The following KCNT1 variants were observed in gnomAD, a reference collection of about 807,000 sequenced individuals.
KCNT1 encodes the protein potassium sodium-activated channel subfamily T member 1.
In KCNT1, 78 loss-of-function variants were observed where a neutral mutation model predicts 147.8. The observed-to-expected ratio is 0.53, with a 90% CI of 0.44 to 0.64. The LOEUF (loss-of-function observed/expected upper bound fraction) is 0.64, where lower values mean the gene tolerates loss of function less well. Ranked by LOEUF, KCNT1 falls within the 30% of genes least tolerant of loss-of-function variation. The pLI is 0.00. For synonymous variants in KCNT1, 867 were observed against 748.8 expected (o/e 1.16, Z -2.58); for missense variants, 1,419 against 1,750.3 (o/e 0.81, Z 3.38).
At chr9:135,769,197 G>A (rs1832565299) in intron 15 of KCNT1, among the ~76,000 whole-genome samples, 1 of 146,086 alleles carries the variant, frequency 6.8e-6, no homozygotes, top group Admixed American at 6.7e-5. Context: ...GCACACGTGG[G>A]TGACAGTGCA....
chr9:135,785,941 A>T (rs1834009724), intron 28 of KCNT1: 1 of 551,150 alleles, frequency 1.8e-6, no homozygotes, highest in Admixed American at 3.5e-5. Context: ...AGCCTGGCGA[A>T]TCCCTTGACC....
chr9:135,753,620 C>A, intron 4 of KCNT1: 1 of 476,446 alleles, frequency 2.1e-6, no homozygotes, highest in South Asian at 2.9e-5. Context: ...ACAGGCAGAA[C>A]CAGTGTGTTG....
At chr9:135,755,081 G>T (rs779161860) in intron 5 of KCNT1, 40 bp from the exon 6 acceptor site, 45 of 1,567,766 alleles carry the variant, frequency 2.9e-5, no homozygotes, top group Non-Finnish European at 3.8e-5. Context: ...GACACTAGTG[G>T]CTGTGGTGCC....
At chr9:135,765,443 G>A (rs1832199003) in intron 12 of KCNT1, among the ~76,000 whole-genome samples, 181 bp from the exon 13 acceptor site, 1 of 152,124 alleles carries the variant, frequency 6.6e-6, no homozygotes, top group African/African-American at 2.4e-5. Flanking sequence ...CAGTGAGGGT[G>A]GCAGCCCACA....
intron 2 of KCNT1, among the ~76,000 whole-genome samples, chr9:135,726,940 TCC>T (rs1219014901): frequency 0.017 from 59 of 3,528 alleles, no homozygotes; most frequent in South Asian, 0.048. Flanking sequence ...TCCCTCCCTC[TCC>T]CTCTCTTTCC....
intron 3 of KCNT1, chr9:135,750,723 C>A: frequency 1.7e-6 from 1 of 589,796 alleles, no homozygotes; most frequent in East Asian, 2.8e-5. Flanking sequence ...CAAGTTCAGG[C>A]ACCTGTAAGG....
rs1835066833 is a variant in KCNT1, at chr9:135,702,346, G to C, written c.88G>C (p.Asp30His). The C allele has an allele frequency of 6.2e-7, 1 of 1,611,524 alleles. No individual in the cohort carries two copies. The highest frequency in any genetic ancestry group is 8.5e-7 in the Non-Finnish European group (1 of 1,179,248). ...CTACACCAACCGGACCTTCGAGTTT[G>C]ACGACGGCCAATGCGCCCCCAGGTA... ...GGYTNRTFEF[D>H]DGQCAPRRPC... is the part of the protein sequence containing the mutation. Residue 30 changes from aspartate to histidine, a missense_variant, in exon 1 of 31, where the codon GAC becomes CAC. Coordinates refer to ENST00000371757, the MANE Select transcript of KCNT1 (RefSeq NM_020822.3).
At chr9:135,727,910 G>A (rs1836285007) in intron 2 of KCNT1, among the ~76,000 whole-genome samples, 1 of 152,252 alleles carries the variant, frequency 6.6e-6, no homozygotes, top group African/African-American at 2.4e-5. Flanking sequence ...AGGCGAGTGA[G>A]GGAAAGATGT....
intron 9 of KCNT1, 63 bp from the exon 10 acceptor site, chr9:135,758,351 A>G (rs749725755): frequency 8.0e-7 from 1 of 1,251,742 alleles, no homozygotes; most frequent in Non-Finnish European, 1.2e-6. Flanking sequence ...TCTAGTCTCT[A>G]TTCATTGGCT....
Position 135,753,930 on chromosome 9 carries a change from T to G in KCNT1, c.435-7T>G. 3 of 1,613,972 alleles carry G rather than the reference T, an allele frequency of 1.9e-6. No homozygotes were observed. Among genetic ancestry groups the G allele is most frequent in the Non-Finnish European group, 2.5e-6 (3 of 1,179,904 alleles). ...CAGGGCCGGGCCAGCGCTGTGTCTC[T>G]CCACAGCTGGGGCTGCCCAAAGCAG... is the stretch of plus-strand genomic sequence containing the variant. On this transcript the variant is annotated splice_region_variant and splice_polypyrimidine_tract_variant and intron_variant, in intron 4 of 30. Coordinates refer to ENST00000371757, the MANE Select transcript of KCNT1 (RefSeq NM_020822.3).
At chr9:135,711,934 TC>T (rs1309173587) in intron 1 of KCNT1, among the ~76,000 whole-genome samples, 1 of 152,208 alleles carries the variant, frequency 6.6e-6, no homozygotes. Flanking sequence ...TTCACACTCT[TC>T]CTATAAGGGA....
In KCNT1 at chr9:135,730,841, C is replaced by T. The variant is rs1036368813; in HGVS notation, c.254+16121C>T. Among the ~76,000 whole-genome samples, 9 of 151,842 alleles carry T rather than the reference C, an allele frequency of 5.9e-5. No homozygotes were observed. Among genetic ancestry groups the T allele is most frequent in the African/African-American group, 2.2e-4 (9 of 41,314 alleles). ...TCTCTACAAAAAATACAAAACTTAG[C>T]CGAGCATGGTGGTGCATGCCTGTAG... On this transcript the variant is annotated intron_variant, in intron 2 of 30. Transcript: ENST00000371757. The surrounding 1 kb of genome is among the most constrained non-coding windows in gnomAD (Gnocchi z 4.7).
intron 2 of KCNT1, among the ~76,000 whole-genome samples, chr9:135,742,218 G>A (rs1052563279): frequency 2.5e-4 from 38 of 152,336 alleles, no homozygotes; most frequent in African/African-American, 7.5e-4. Context: ...TGCCTCACCC[G>A]CTGGTCTGGG....
At chr9:135,780,523 GT>G (rs1034972495) in intron 24 of KCNT1, among the ~76,000 whole-genome samples, 1 of 152,246 alleles carries the variant, frequency 6.6e-6, no homozygotes, top group African/African-American at 2.4e-5. Context: ...CCTGGAGTCA[GT>G]TCTGCCCCAG....
At chr9:135,725,372 C>T (rs1304814821) in intron 2 of KCNT1, among the ~76,000 whole-genome samples, 1 of 152,224 alleles carries the variant, frequency 6.6e-6, no homozygotes, top group African/African-American at 2.4e-5. Context: ...CCGAGGGGCT[C>T]AGATCCAGTG....
intron 2 of KCNT1, among the ~76,000 whole-genome samples, chr9:135,719,745 G>A (rs1010887793): frequency 6.6e-6 from 1 of 152,192 alleles, no homozygotes; most frequent in Non-Finnish European, 1.5e-5. Flanking sequence ...CACTGCCTTG[G>A]CTCCTTGGGC....
chr9:135,736,514 C>G (rs1027549268), intron 2 of KCNT1: 11 of 151,742 alleles, frequency 7.2e-5, no homozygotes, highest in Admixed American at 7.2e-4. Flanking sequence ...AGCCCCGGCA[C>G]CCGGCCGTTC....
In KCNT1 at chr9:135,780,931, C is replaced by T. The variant is rs138495616; in HGVS notation, c.2841+1461C>T. 5.3e-3 allele frequency among the ~76,000 whole-genome samples: 812 copies of T among 152,352 alleles called. 6 individuals carry two copies. The highest frequency in any genetic ancestry group is 0.019 in the African/African-American group (771 of 41,584). Reference sequence around the variant, plus strand: ...GGCAGTCATCCTGGCGCGGCTCCTCCGGCCTCAGCCTTGCACCTCTCTGTC... The same window carrying T: ...GGCAGTCATCCTGGCGCGGCTCCTCTGGCCTCAGCCTTGCACCTCTCTGTC... On this transcript the variant is annotated intron_variant, in intron 24 of 30. Transcript: ENST00000371757.
At chr9:135,718,094 T>G (rs540283723) in intron 2 of KCNT1, among the ~76,000 whole-genome samples, 1 of 152,226 alleles carries the variant, frequency 6.6e-6, no homozygotes, top group African/African-American at 2.4e-5. Flanking sequence ...TGGAGGACCC[T>G]CCTGGGTGCT....
Sources: allele counts gnomAD v4.1 joint callset (sites outside exome capture counted in the v4.1 genomes callset), GRCh38; gene constraint gnomAD v4.1.1; non-coding constraint Gnocchi (gnomAD v3.1); transcripts MANE v1.5; gene names NCBI Gene and HGNC (gene_info 2026-07-23, HGNC 2026-07-21).